MXRA8: variants seen among roughly 807,000 people sequenced by gnomAD.
MXRA8 encodes the protein matrix remodeling associated 8.
Under a neutral mutation model 51.4 loss-of-function variants are expected in MXRA8, and 44 were observed. The ratio of observed to expected loss-of-function variants is 0.86; its 90% CI spans 0.67 to 1.10. The LOEUF (loss-of-function observed/expected upper bound fraction) is 1.10, where lower values mean the gene tolerates loss of function less well. Ranked by LOEUF, MXRA8 falls within the 50% of genes least tolerant of loss-of-function variation. The probability of loss-of-function intolerance (pLI) is 0.00; values close to 1 mark genes in which losing one functional copy is unlikely to be tolerated. For missense variants in MXRA8, 765 were observed against 638.9 expected (o/e 1.20, Z -2.13); for synonymous variants, 369 against 293.5 (o/e 1.26, Z -2.63).
intron 2 of MXRA8, 101 bp downstream of exon 2, chr1:1,356,580 G>C: frequency 2.5e-6 from 2 of 784,536 alleles, no homozygotes; most frequent in Non-Finnish European, 3.6e-6. Context: ...GGGAATCAGT[G>C]GGGGAGGGGC....
At chr1:1,360,955 GACACGGAGACACACAGAGAT>G (rs1255990098), upstream of MXRA8, among the ~76,000 whole-genome samples, 1 of 146,812 alleles carries the variant, frequency 6.8e-6, no homozygotes, top group African/African-American at 2.6e-5. Flanking sequence ...TGCACATGAA[GACACGGAGACACACAGAGAT>G]ACACGGAAAC....
upstream of MXRA8, chr1:1,359,009 C>A (rs1364572452): frequency 2.0e-6 from 2 of 985,356 alleles, no homozygotes; most frequent in Non-Finnish European, 2.4e-6. Context: ...CACGCTGGTG[C>A]TCTCCTTCAG....
Position 1,354,230 on chromosome 1 carries a change from A to G in MXRA8, c.1108T>C (p.Tyr370His). ...CCCGACTTCTGGTCCGAGTATTCGT[A>G]GCCTGGGAAGGAGACTCACATTGGG... ...LLAARRRRGG[Y>H]EYSDQKSGKS... The change falls in exon 7 of 10, where the codon TAC becomes CAC. Residue 370 changes from tyrosine to histidine, a missense_variant and splice_region_variant. Coordinates refer to ENST00000309212, the MANE Select transcript of MXRA8 (RefSeq NM_032348.4). 6.2e-7 allele frequency: 1 copy of G among 1,612,316 alleles called. No homozygotes were observed. Among genetic ancestry groups the G allele is most frequent in the Non-Finnish European group, 8.5e-7 (1 of 1,179,854 alleles).
intron 2 of MXRA8, 104 bp downstream of exon 2, chr1:1,356,577 A>T: frequency 1.7e-6 from 1 of 582,942 alleles, no homozygotes; most frequent in Non-Finnish European, 2.3e-6. Flanking sequence ...AGGGGGAATC[A>T]GTGGGGGAGG....
chr1:1,359,874 C>T (rs1470788650), upstream of MXRA8, among the ~76,000 whole-genome samples: 8 of 152,138 alleles, frequency 5.3e-5, no homozygotes, highest in Non-Finnish European at 1.5e-5. Context: ...TGGCTGGCCT[C>T]GAGGCCTCTG....
At chr1:1,358,800 C>T (rs1644182913), upstream of MXRA8, 8 of 1,170,560 alleles carry the variant, frequency 6.8e-6, no homozygotes, top group Non-Finnish European at 8.5e-6. Flanking sequence ...GACATGGGCC[C>T]CTGATACCAC....
At chr1:1,358,738 A>G (rs888396522), upstream of MXRA8, 79 of 1,344,502 alleles carry the variant, frequency 5.9e-5, 1 homozygote, top group Middle Eastern at 1.1e-3. Context: ...CTCACCGGTC[A>G]GGCCTGGGGA....
In MXRA8 at chr1:1,356,699, C is replaced by A; in HGVS notation, c.55G>T (p.Ala19Ser). Reference sequence around the variant, plus strand: ...CACTAACCTGAGTGCAGGAGAACAGCAGAGCCTGGAAGGAGAGGAGTGAGC... The same window carrying A: ...CACTAACCTGAGTGCAGGAGAACAGAAGAGCCTGGAAGGAGAGGAGTGAGC... ...LWKLVLLQSS[A>S]VLLHSGSSVP... is the part of the protein sequence containing the mutation. Residue 19 changes from alanine to serine, a missense_variant, in exon 2 of 10, where the codon GCT (alanine) becomes TCT (serine). Ala to Ser is a moderately conservative substitution (Grantham distance 99). Transcript: ENST00000309212. The A allele has an allele frequency of 7.0e-7, 1 of 1,430,928 alleles. No individual in the cohort carries two copies. The highest frequency in any genetic ancestry group is 9.2e-7 in the Non-Finnish European group (1 of 1,081,308). 88.6% of individuals were successfully genotyped at this position (1,430,928 alleles called of 1,614,324 possible).
Position 1,358,518 on chromosome 1 carries a change from C to T in MXRA8, c.-14G>A. 1 of 1,612,110 alleles carries T rather than the reference C, an allele frequency of 6.2e-7. No homozygotes were observed. Among genetic ancestry groups the T allele is most frequent in the Non-Finnish European group, 8.5e-7 (1 of 1,179,086 alleles). On this transcript the variant is annotated 5_prime_UTR_variant, in exon 1 of 10. Transcript: ENST00000309212. ...TGGCAGCGCCATGGCCCCCGCCCAG[C>T]CCCAGGCTTTGTCCCACTCGGCTCT...
upstream of MXRA8, among the ~76,000 whole-genome samples, chr1:1,360,440 G>T (rs1644206603): frequency 1.5e-5 from 2 of 132,602 alleles, no homozygotes; most frequent in East Asian, 2.5e-4. Flanking sequence ...TCCTCCCAGG[G>T]CCAGTGACCT....
At position 1,353,958 on chromosome 1, in the gene MXRA8, G is replaced by A. The variant is rs766418101; in HGVS notation, c.1223-30C>T. ...GGGAGGAGAGGAGGCTGAGGTCCCC[G>A]CTCCCAGGATGCACTTCCCAGCCCG... On this transcript the variant is annotated intron_variant, in intron 8 of 9. Coordinates refer to ENST00000309212, the MANE Select transcript of MXRA8 (RefSeq NM_032348.4). The A allele has an allele frequency of 1.1e-5, 18 of 1,602,868 alleles. No homozygotes were observed. In the Admixed American group the frequency reaches 1.4e-4, roughly 12 times the overall value.
At position 1,354,716 on chromosome 1, in the gene MXRA8, G is replaced by C; in HGVS notation, c.915C>G (p.Gly305=). 1 of 1,600,342 alleles carries C rather than the reference G, an allele frequency of 6.2e-7. No homozygotes were observed. The highest frequency in any genetic ancestry group is 8.5e-7 in the Non-Finnish European group (1 of 1,174,670). Residue 305 remains glycine (G), a synonymous_variant, in exon 5 of 10, where the codon GGC becomes GGG. Transcript: ENST00000309212. ...GGGCGCCGCTGTGGCTGGAGCCGTT[G>C]CCCGGAGAGCCCCGGGGGGGCGGCT... ...HAEPPPRGSP[G]NGSSHSGAPG...
chr1:1,361,193 C>G (rs1485883529), upstream of MXRA8: 1 of 703,282 alleles, frequency 1.4e-6, no homozygotes, highest in Non-Finnish European at 2.6e-6. Flanking sequence ...CACACAGAAA[C>G]AGAGACACAC....
At chr1:1,358,907 C>CA (rs967315730), upstream of MXRA8, 10 of 1,005,008 alleles carry the variant, frequency 1.0e-5, no homozygotes, top group Middle Eastern at 5.0e-4. Context: ...GGCCTCCCCC[C>CA]ACGTGAGCCA....
upstream of MXRA8, chr1:1,361,558 C>T (rs1355353355): frequency 3.4e-5 from 17 of 505,618 alleles, no homozygotes; most frequent in East Asian, 2.8e-4. Context: ...GGCGGGGCTG[C>T]CAGGAGTGGT....
Position 1,355,353 on chromosome 1 carries a change from C to G in MXRA8, c.377-8G>C. 1 of 1,571,198 alleles carries G rather than the reference C, an allele frequency of 6.4e-7. No homozygotes were observed. ...CGTCCGTCTCCTCCACCGCTGCGCA[C>G]CCAGGAGGAAGCCGCGCGTGAGCCT... is the stretch of plus-strand genomic sequence containing the variant. On this transcript the variant is annotated splice_polypyrimidine_tract_variant and splice_region_variant and intron_variant, in intron 3 of 9. Coordinates refer to ENST00000309212, the MANE Select transcript of MXRA8 (RefSeq NM_032348.4).
intron 4 of MXRA8, 37 bp from the exon 5 acceptor site, chr1:1,355,189 G>C: frequency 7.1e-7 from 1 of 1,416,260 alleles, no homozygotes; most frequent in Non-Finnish European, 9.2e-7. Context: ...CGCGGGCCGG[G>C]GCGGCGGTCG....
chr1:1,360,064 G>A (rs1452026508), upstream of MXRA8, among the ~76,000 whole-genome samples: 1 of 152,248 alleles, frequency 6.6e-6, no homozygotes, highest in East Asian at 1.9e-4. Flanking sequence ...TTTGGTGGGG[G>A]GACAGGGTTG....
In MXRA8 at chr1:1,353,191, T is replaced by C. The variant is rs1434040919; in HGVS notation, c.*413A>G. 4 of 1,181,364 alleles carry C rather than the reference T, an allele frequency of 3.4e-6. No homozygotes were observed. In the African/African-American group the frequency reaches 4.6e-5, roughly 14 times the overall value. The allele number at this position is 1,181,364 out of a possible 1,614,324, so 73.2% of individuals were successfully genotyped here. ...ATGGGAGTGTCCTCCTCCAGGAACA[T>C]CTCCCAGCCCCCGACGAGCAGAGCC... On this transcript the variant is annotated 3_prime_UTR_variant, in exon 10 of 10. Coordinates refer to ENST00000309212, the MANE Select transcript of MXRA8 (RefSeq NM_032348.4).
Sources: gnomAD v4.1 joint callset for allele counts (sites outside exome capture counted in the v4.1 genomes callset) on GRCh38, gnomAD v4.1.1 for gene constraint, MANE v1.5 for transcripts, NCBI Gene and HGNC (gene_info 2026-07-23, HGNC 2026-07-21) for gene names.